Variants in CNBD1 observed in about 807,000 individuals in gnomAD.
The protein encoded by CNBD1 is cyclic nucleotide-binding domain-containing protein 1.
Under a neutral mutation model 54.4 loss-of-function variants are expected in CNBD1, and 71 were observed. That is an observed-to-expected ratio of 1.30 (90% confidence interval 1.08 to 1.59). The LOEUF (loss-of-function observed/expected upper bound fraction) is 1.59. CNBD1 is among the 40% of genes most tolerant of loss of function. CNBD1 has a pLI of 0.00. For missense variants in CNBD1, 659 were observed against 518.0 expected (o/e 1.27, Z -2.64); for synonymous variants, 182 against 170.7 (o/e 1.07, Z -0.51).
chr8:86,886,171 G>T (rs1004722523), intron 1 of CNBD1, among the ~76,000 whole-genome samples: 3 of 151,818 alleles, frequency 2.0e-5, no homozygotes, highest in Non-Finnish European at 4.4e-5. Context: ...AGAAAAACAG[G>T]CTAAATGAAT....
At chr8:87,190,089 A>C (rs1160122727) in intron 4 of CNBD1, among the ~76,000 whole-genome samples, 1 of 152,198 alleles carries the variant, frequency 6.6e-6, no homozygotes, top group Non-Finnish European at 1.5e-5. Context: ...GCCTGTGTGC[A>C]TCCTTTAATT....
chr8:86,901,278 C>A (rs191857028), intron 2 of CNBD1, among the ~76,000 whole-genome samples: 1 of 152,174 alleles, frequency 6.6e-6, no homozygotes, highest in East Asian at 1.9e-4. Context: ...ACTTATATTT[C>A]TTTTAATTTT....
chr8:87,125,004 TAAC>T (rs1225885544), intron 4 of CNBD1, among the ~76,000 whole-genome samples: 1 of 151,724 alleles, frequency 6.6e-6, no homozygotes, highest in African/African-American at 2.4e-5. Context: ...TATATACTAA[TAAC>T]AAATTATCTG....
intron 2 of CNBD1, among the ~76,000 whole-genome samples, chr8:87,407,398 T>C (rs1807669155): frequency 6.6e-6 from 1 of 151,994 alleles, no homozygotes; most frequent in Admixed American, 6.6e-5. Flanking sequence ...TATGATGTTA[T>C]TGATGGATAT....
intron 8 of CNBD1, among the ~76,000 whole-genome samples, chr8:87,311,563 A>G (rs1015624193): frequency 1.3e-5 from 2 of 152,154 alleles, no homozygotes; most frequent in Non-Finnish European, 2.9e-5. Context: ...AAAAAATGGA[A>G]CTACTAATAA....
chr8:86,987,823 A>G (rs964864024), intron 4 of CNBD1, among the ~76,000 whole-genome samples: 1 of 152,166 alleles, frequency 6.6e-6, no homozygotes. Flanking sequence ...TTAAACCAGC[A>G]TTGTATCCCA....
intron 4 of CNBD1, among the ~76,000 whole-genome samples, chr8:86,945,695 G>C (rs553194399): frequency 6.6e-6 from 1 of 152,146 alleles, no homozygotes; most frequent in Non-Finnish European, 1.5e-5. Flanking sequence ...AATAAAGAAC[G>C]GTGTGGATAC....
At chr8:86,925,482 A>AGTGT (rs71275894) in intron 3 of CNBD1, among the ~76,000 whole-genome samples, 2,542 of 141,734 alleles carry the variant, frequency 0.018, 70 homozygotes, top group African/African-American at 0.061. Flanking sequence ...CTTACCAAAA[A>AGTGT]GTGTGTGTGT....
rs773530958 is a variant in CNBD1 at position 87,078,608 on chromosome 8, C to T, written c.432-127385C>T. On this transcript the variant is annotated intron_variant, in intron 4 of 10. Transcript: ENST00000518476. ...TCATATGCTTGATTTTCTCCATTTA[C>T]GAGGAGTTTGCTGCAGTTGGAAACA... Among the ~76,000 whole-genome samples the T allele has an allele frequency of 9.9e-5, 15 of 152,190 alleles. No individual in the cohort carries two copies. The East Asian group carries it at 1.2e-3, about 12-fold the overall frequency.
intron 4 of CNBD1, among the ~76,000 whole-genome samples, chr8:87,148,295 T>C (rs986730608): frequency 1.3e-5 from 2 of 149,286 alleles, no homozygotes; most frequent in Non-Finnish European, 2.9e-5. Flanking sequence ...TTCAAAAACT[T>C]TCTTGCCTTA....
intron 4 of CNBD1, among the ~76,000 whole-genome samples, chr8:87,134,888 CG>C (rs1448466076): frequency 6.6e-6 from 1 of 151,944 alleles, no homozygotes; most frequent in African/African-American, 2.4e-5. Flanking sequence ...GGATTACAGG[CG>C]TGAGCCACCA....
chr8:87,380,150 A>T (rs898738093), intron 10 of CNBD1, among the ~76,000 whole-genome samples: 1 of 152,000 alleles, frequency 6.6e-6, no homozygotes, highest in African/African-American at 2.4e-5. Flanking sequence ...TACCAGCTAA[A>T]AGATTAATAT....
intron 8 of CNBD1, among the ~76,000 whole-genome samples, chr8:87,303,621 G>C (rs1412739784): frequency 6.7e-6 from 1 of 149,578 alleles, no homozygotes; most frequent in Admixed American, 6.6e-5. Context: ...GACAACAAAA[G>C]CCAAAATTGA....
chr8:87,141,955 C>A (rs2130739159), intron 4 of CNBD1, among the ~76,000 whole-genome samples: 1 of 152,190 alleles, frequency 6.6e-6, no homozygotes, highest in African/African-American at 2.4e-5. Flanking sequence ...TAGACTCAAC[C>A]AGTGGCAGTG....
At chr8:86,908,258 G>C (rs763079978) in intron 3 of CNBD1, among the ~76,000 whole-genome samples, 2 of 152,134 alleles carry the variant, frequency 1.3e-5, no homozygotes, top group Admixed American at 6.5e-5. Context: ...AGTATTGCTT[G>C]GGACTTTGAT....
chr8:87,012,208 T>C (rs1329466642), intron 4 of CNBD1, among the ~76,000 whole-genome samples: 1 of 152,142 alleles, frequency 6.6e-6, no homozygotes, highest in Non-Finnish European at 1.5e-5. Context: ...CATTAGGTCA[T>C]TGGTTGCAGA....
intron 2 of CNBD1, among the ~76,000 whole-genome samples, chr8:87,409,116 A>C (rs1459868462): frequency 6.6e-6 from 1 of 152,196 alleles, no homozygotes; most frequent in Non-Finnish European, 1.5e-5. Context: ...AAGCTGAGAA[A>C]GGCTGAAAGC....
At chr8:87,349,307 G>A (rs16898937) in intron 8 of CNBD1, among the ~76,000 whole-genome samples, 3,674 of 152,228 alleles carry the variant, frequency 0.024, 151 homozygotes, top group African/African-American at 0.081. Context: ...AGGGTAGGGA[G>A]TAATTGCATG....
chr8:87,134,685 C>G (rs962358467), intron 4 of CNBD1, among the ~76,000 whole-genome samples: 1 of 141,946 alleles, frequency 7.0e-6, no homozygotes, highest in Middle Eastern at 4.4e-3. Flanking sequence ...TAACTGCAAG[C>G]TCCGCCTCCT....
Sources: allele counts gnomAD v4.1 joint callset (sites outside exome capture counted in the v4.1 genomes callset), GRCh38; gene constraint gnomAD v4.1.1; transcripts MANE v1.5; gene names NCBI Gene and HGNC (gene_info 2026-07-23, HGNC 2026-07-21).